Variants in GCNT4 observed in about 807,000 individuals in gnomAD.
GCNT4 encodes the protein glucosaminyl (N-acetyl) transferase 4.
In GCNT4, 17 loss-of-function variants were observed where a neutral mutation model predicts 31.3. That is an observed-to-expected ratio of 0.54 (90% CI 0.37 to 0.81). The LOEUF (loss-of-function observed/expected upper bound fraction) is 0.81. GCNT4 is among the 40% of genes least tolerant of loss of function. The pLI, the probability that GCNT4 is intolerant of heterozygous loss-of-function variation, is 0.00. For missense variants in GCNT4, 503 were observed against 525.5 expected (o/e 0.96, Z 0.42); for synonymous variants, 158 against 190.6 (o/e 0.83, Z 1.41).
rs1742934298 is a variant in GCNT4, at chr5:75,025,643, T to C, written c.*3033A>G. The C allele has an allele frequency of 6.6e-6, 1 of 152,212 alleles. No individual in the cohort carries two copies. Among genetic ancestry groups the C allele is most frequent in the South Asian group, 2.1e-4 (1 of 4,832 alleles). 9.4% of individuals were successfully genotyped at this position (152,212 alleles called of 1,614,324 possible). A position where few individuals can be genotyped will look rare whatever the true frequency, so the allele number is the denominator to read the frequency against. On this transcript the variant is annotated 3_prime_UTR_variant, in exon 4 of 4. Transcript: ENST00000652361. ...TCATTTTTATTTTCCATGAAATATG[T>C]CAAAATATATGCAAGTATATCTTCA...
chr5:75,032,916 T>TGTGTGC, intron 3 of GCNT4, among the ~76,000 whole-genome samples: 1 of 143,988 alleles, frequency 6.9e-6, no homozygotes, highest in African/African-American at 2.8e-5. Flanking sequence ...TGTGTGTGTG[T>TGTGTGC]GTGTGTGATT....
At chr5:75,048,707 A>C (rs1743501058) in intron 2 of GCNT4, among the ~76,000 whole-genome samples, 1 of 152,192 alleles carries the variant, frequency 6.6e-6, no homozygotes, top group Non-Finnish European at 1.5e-5. Context: ...GGACTAAGGA[A>C]GGGACCAACC....
chr5:75,031,802 C>T (rs1407033752), intron 3 of GCNT4, among the ~76,000 whole-genome samples: 3 of 152,152 alleles, frequency 2.0e-5, no homozygotes, highest in Non-Finnish European at 1.5e-5. Flanking sequence ...AGAAGGGCGG[C>T]CCAGGAAGTA....
At chr5:75,050,269 C>A (rs1357672454) in intron 2 of GCNT4, among the ~76,000 whole-genome samples, 1 of 152,224 alleles carries the variant, frequency 6.6e-6, no homozygotes, top group Non-Finnish European at 1.5e-5. Flanking sequence ...AACACTGTTT[C>A]TGTAAGATGT....
At chr5:75,038,025 A>G (rs1350030011) in intron 3 of GCNT4, among the ~76,000 whole-genome samples, 1 of 150,904 alleles carries the variant, frequency 6.6e-6, no homozygotes, top group African/African-American at 2.4e-5. Flanking sequence ...TGGCAATAAC[A>G]TCTTGTAGAC....
intron 2 of GCNT4, among the ~76,000 whole-genome samples, chr5:75,050,926 T>C (rs1387341936): frequency 6.6e-6 from 1 of 152,170 alleles, no homozygotes; most frequent in South Asian, 2.1e-4. Context: ...GAGTTTTGTT[T>C]TGCTTTTAAT....
At chr5:75,043,162 A>G (rs1276618178) in intron 3 of GCNT4, among the ~76,000 whole-genome samples, 1 of 152,266 alleles carries the variant, frequency 6.6e-6, no homozygotes, top group African/African-American at 2.4e-5. Context: ...TGTTTAGTTT[A>G]CTAAGTGTCT....
At chr5:75,051,154 C>T (rs892565848) in intron 2 of GCNT4, among the ~76,000 whole-genome samples, 6 of 152,204 alleles carry the variant, frequency 3.9e-5, no homozygotes, top group Non-Finnish European at 8.8e-5. Flanking sequence ...GGAATACTCC[C>T]CTTTCTCACC....
chr5:75,048,720 C>T (rs1010681576), intron 2 of GCNT4, among the ~76,000 whole-genome samples: 1 of 152,200 alleles, frequency 6.6e-6, no homozygotes, highest in South Asian at 2.1e-4. Context: ...GACCAACCCA[C>T]TCTGCTCTGT....
chr5:75,039,072 G>GTT (rs1163813671), intron 3 of GCNT4, among the ~76,000 whole-genome samples: 2 of 150,372 alleles, frequency 1.3e-5, no homozygotes, highest in Non-Finnish European at 1.5e-5. Context: ...CTTATTCACT[G>GTT]TTTTTTTTTG....
intron 3 of GCNT4, among the ~76,000 whole-genome samples, chr5:75,038,654 A>G (rs888821302): frequency 8.5e-5 from 13 of 152,124 alleles, no homozygotes; most frequent in Non-Finnish European, 1.9e-4. Context: ...AGACGGGCAA[A>G]GGGGGGGAGA....
chr5:75,053,791 C>G (rs888243064), upstream of GCNT4, among the ~76,000 whole-genome samples: 1 of 152,148 alleles, frequency 6.6e-6, no homozygotes, highest in Non-Finnish European at 1.5e-5. Flanking sequence ...GCGCTTCGGA[C>G]AAAGTTCTCA....
chr5:75,042,159 G>A (rs369259589), intron 3 of GCNT4, among the ~76,000 whole-genome samples: 10 of 152,256 alleles, frequency 6.6e-5, no homozygotes, highest in African/African-American at 2.2e-4. Flanking sequence ...TGGGATCCCC[G>A]TCTTCTCTGC....
Position 75,028,915 on chromosome 5 carries a change from C to CAT in GCNT4, c.1121_1122dup (p.Glu375MetfsTer25). ...GTACAACTGGGATAGAAAAAGCCTT[C>CAT]ATAGTAATTCCACTTGACAAGGCGA... On this transcript the variant is annotated frameshift_variant, in exon 4 of 4. Transcript: ENST00000652361. LOFTEE classifies it high-confidence loss of function. 6.2e-7 allele frequency: 1 copy of CAT among 1,613,996 alleles called. No homozygotes were observed. Among genetic ancestry groups the CAT allele is most frequent in the South Asian group, 1.1e-5 (1 of 91,072 alleles).
the GCNT4 span, among the ~76,000 whole-genome samples, chr5:75,019,513 G>T: frequency 6.6e-6 from 1 of 152,070 alleles, no homozygotes; most frequent in Non-Finnish European, 1.5e-5. Context: ...CTTGGACTTG[G>T]GAGCCACACA....
rs189958970 is a variant in GCNT4 at position 75,025,505 on chromosome 5, G to A, written c.*3171C>T. The A allele has an allele frequency of 1.9e-4, 29 of 152,128 alleles. No individual in the cohort carries two copies. In the East Asian group the frequency reaches 3.5e-3, roughly 18 times the overall value. 9.4% of individuals were successfully genotyped at this position (152,128 alleles called of 1,614,324 possible). A position where few individuals can be genotyped will look rare whatever the true frequency, so the allele number is the denominator to read the frequency against. On this transcript the variant is annotated 3_prime_UTR_variant, in exon 4 of 4. Transcript: ENST00000652361. ...AAAATAGGAGATTTAGAGACCAGTC[G>A]ATATAAATGTATAAAAAGCCCCCAA...
intron 3 of GCNT4, among the ~76,000 whole-genome samples, chr5:75,040,808 T>C (rs752612966): frequency 2.0e-5 from 3 of 152,230 alleles, no homozygotes; most frequent in South Asian, 2.1e-4. Flanking sequence ...CTAATCATTA[T>C]TGGTTTTTCA....
At chr5:75,042,452 A>C (rs1362520635) in intron 3 of GCNT4, among the ~76,000 whole-genome samples, 1 of 152,180 alleles carries the variant, frequency 6.6e-6, no homozygotes, top group Non-Finnish European at 1.5e-5. Flanking sequence ...TCAACTGGCC[A>C]AAATTAATTC....
rs890902162 is a variant in GCNT4 at position 75,027,442 on chromosome 5, A to T, written c.*1234T>A. The T allele has an allele frequency of 2.0e-4, 28 of 141,210 alleles. No individual in the cohort carries two copies. Among genetic ancestry groups the T allele is most frequent in the South Asian group, 4.4e-4 (2 of 4,564 alleles). The allele number at this position is 141,210 out of a possible 1,614,324, so 8.7% of individuals were successfully genotyped here. On this transcript the variant is annotated 3_prime_UTR_variant, in exon 4 of 4. Transcript: ENST00000652361. Reference sequence around the variant, plus strand: ...TATATTACATATATATAAAATATATATTATATATATATATTTTTGACTCAT... The same window carrying T: ...TATATTACATATATATAAAATATATTTTATATATATATATTTTTGACTCAT...
Sources: gnomAD v4.1 joint callset for allele counts (sites outside exome capture counted in the v4.1 genomes callset) on GRCh38, gnomAD v4.1.1 for gene constraint, MANE v1.5 for transcripts, NCBI Gene and HGNC (gene_info 2026-07-23, HGNC 2026-07-21) for gene names.